Variants in NTRK3 observed in about 807,000 individuals in gnomAD.
NTRK3 encodes neurotrophic receptor tyrosine kinase 3, also known as NT-3 growth factor receptor.
A neutral mutation model predicts 91.7 loss-of-function variants in NTRK3; 24 were observed. The observed-to-expected ratio is 0.26, with a 90% CI of 0.19 to 0.37. The LOEUF (loss-of-function observed/expected upper bound fraction) is 0.37, where lower values mean the gene tolerates loss of function less well. Among genes scored for constraint, NTRK3 ranks in the 10% least tolerant of loss-of-function variants. NTRK3 has a pLI of 1.00. For synonymous variants in NTRK3, 483 were observed against 404.0 expected (o/e 1.20, Z -2.34); for missense variants, 880 against 1,068.9 (o/e 0.82, Z 2.46).
At chr15:87,922,801 CT>C (rs2067985117) in intron 17 of NTRK3, among the ~76,000 whole-genome samples, 1 of 152,146 alleles carries the variant, frequency 6.6e-6, no homozygotes, top group Non-Finnish European at 1.5e-5. Context: ...TATTTCTTCC[CT>C]GTTTTTCTTC....
chr15:88,026,807 C>T (rs2078080333), intron 14 of NTRK3, among the ~76,000 whole-genome samples: 1 of 152,166 alleles, frequency 6.6e-6, no homozygotes, highest in Non-Finnish European at 1.5e-5. Context: ...TATTCTAAAA[C>T]TGTTCTTTAA....
At chr15:88,013,841 G>A (rs1459310533) in intron 14 of NTRK3, among the ~76,000 whole-genome samples, 1 of 152,160 alleles carries the variant, frequency 6.6e-6, no homozygotes, top group Non-Finnish European at 1.5e-5. Flanking sequence ...TTGGGAGGCT[G>A]AGGTGGGAGG....
chr15:87,981,612 C>A (rs1207530661), intron 14 of NTRK3, among the ~76,000 whole-genome samples: 1 of 152,194 alleles, frequency 6.6e-6, no homozygotes, highest in Non-Finnish European at 1.5e-5. Context: ...GATTCACCAT[C>A]ACCATGAACT....
intron 17 of NTRK3, among the ~76,000 whole-genome samples, chr15:87,911,875 A>C (rs1446590259): frequency 6.6e-6 from 1 of 152,248 alleles, no homozygotes; most frequent in Non-Finnish European, 1.5e-5. Context: ...ATAAGGCATG[A>C]ATACTGCCCT....
chr15:88,079,096 G>T (rs931370403), intron 13 of NTRK3, among the ~76,000 whole-genome samples: 34 of 152,176 alleles, frequency 2.2e-4, no homozygotes, highest in Admixed American at 2.2e-3. Flanking sequence ...TTGGCGGAGG[G>T]GTGGCGTTTG....
At chr15:87,916,603 G>A in intron 17 of NTRK3, 1 of 702,176 alleles carries the variant, frequency 1.4e-6, no homozygotes, top group South Asian at 1.5e-5. Context: ...AAACTGCAGA[G>A]AGAAGAGACT....
chr15:88,207,902 C>T (rs1009962043), intron 3 of NTRK3, among the ~76,000 whole-genome samples: 1 of 152,172 alleles, frequency 6.6e-6, no homozygotes, highest in African/African-American at 2.4e-5. Context: ...GGACACAAGT[C>T]ATCATATTCC....
chr15:87,886,698 A>ATATATATATATATATT (rs2065566615), intron 17 of NTRK3, among the ~76,000 whole-genome samples: 1 of 141,812 alleles, frequency 7.1e-6, no homozygotes, highest in Non-Finnish European at 1.5e-5. Context: ...ATATATATAT[A>ATATATATATATATATT]TACATATATA....
chr15:87,915,108 A>ATGG (rs368848497), intron 17 of NTRK3, among the ~76,000 whole-genome samples: 7 of 151,946 alleles, frequency 4.6e-5, no homozygotes, highest in Admixed American at 1.3e-4. Context: ...GGGGGTGGTG[A>ATGG]TGGTGGTGGT....
At chr15:87,929,368 C>T (rs1273828484) in exon 17 of NTRK3, 1 of 1,614,114 alleles carries the variant, frequency 6.2e-7, no homozygotes, top group Non-Finnish European at 8.5e-7. Context: ...TTTGGGAGAG[C>T]CCCAGCTCAC....
intron 17 of NTRK3, among the ~76,000 whole-genome samples, chr15:87,907,929 A>G (rs1213220819): frequency 2.0e-5 from 3 of 152,126 alleles, no homozygotes; most frequent in Non-Finnish European, 4.4e-5. Flanking sequence ...TCAGTCACAG[A>G]GGATCTGTAG....
intron 14 of NTRK3, among the ~76,000 whole-genome samples, chr15:87,948,292 C>T (rs1018048068): frequency 5.3e-5 from 8 of 152,210 alleles, no homozygotes; most frequent in African/African-American, 1.4e-4. Flanking sequence ...AAGAGGATCT[C>T]CTGGTTTCCT....
chr15:88,119,372 T>C (rs542563817), intron 13 of NTRK3, among the ~76,000 whole-genome samples: 11 of 152,342 alleles, frequency 7.2e-5, no homozygotes, highest in African/African-American at 2.6e-4. Flanking sequence ...TCTATAAATT[T>C]ATGTCCTGCC....
In NTRK3 at chr15:88,246,666, G is replaced by C. The variant is rs576836464; in HGVS notation, c.248+9240C>G. On this transcript the variant is annotated intron_variant, in intron 3 of 18. Transcript: ENST00000394480. ...TCTCTCCTGCTGCTGCTGAGAGAAGGCTGGAAGGAGAGCACACCAGGTGGC... is the reference window on the plus strand; with the variant it reads ...TCTCTCCTGCTGCTGCTGAGAGAAGCCTGGAAGGAGAGCACACCAGGTGGC... 9.8e-5 allele frequency among the ~76,000 whole-genome samples: 15 copies of C among 152,316 alleles called. 1 individual carries two copies. In the South Asian group the frequency reaches 3.1e-3, roughly 32 times the overall value.
intron 13 of NTRK3, among the ~76,000 whole-genome samples, chr15:88,124,405 G>A (rs1597446737): frequency 6.6e-6 from 1 of 152,188 alleles, no homozygotes; most frequent in Admixed American, 6.5e-5. Context: ...GGGACATGCT[G>A]TTCCAGAAAC....
intron 13 of NTRK3, among the ~76,000 whole-genome samples, chr15:88,044,094 T>G (rs1238787743): frequency 6.6e-6 from 1 of 152,060 alleles, no homozygotes; most frequent in African/African-American, 2.4e-5. Flanking sequence ...TGGTCACTTG[T>G]TGGCACTGTA....
chr15:88,044,503 T>C (rs1222655826), intron 13 of NTRK3, among the ~76,000 whole-genome samples: 3 of 151,944 alleles, frequency 2.0e-5, no homozygotes, highest in Non-Finnish European at 4.4e-5. Flanking sequence ...CCTCGTGATC[T>C]GCCCGCCTTG....
intron 13 of NTRK3, among the ~76,000 whole-genome samples, chr15:88,111,177 G>C (rs1025123445): frequency 6.6e-6 from 1 of 152,200 alleles, no homozygotes; most frequent in African/African-American, 2.4e-5. Context: ...ATCTATCCAG[G>C]CTGCTGCTTC....
At chr15:87,928,961 T>C (rs1406723179) in intron 17 of NTRK3, 11 of 623,872 alleles carry the variant, frequency 1.8e-5, no homozygotes, top group South Asian at 1.3e-4. Flanking sequence ...AATGTACAGA[T>C]TACAGTTCAG....
Sources: gnomAD v4.1 joint callset for allele counts (sites outside exome capture counted in the v4.1 genomes callset) on GRCh38, gnomAD v4.1.1 for gene constraint, MANE v1.5 for transcripts, NCBI Gene and HGNC (gene_info 2026-07-23, HGNC 2026-07-21) for gene names.